Variants in VWA8 observed in about 807,000 individuals in gnomAD.
The protein encoded by VWA8 is von Willebrand factor A domain-containing protein 8.
VWA8 carries 221 observed loss-of-function variants against 241.5 expected under a neutral mutation model. The ratio of observed to expected loss-of-function variants is 0.91; its 90% CI spans 0.82 to 1.02. The LOEUF is 1.02. VWA8 is among the 50% of genes least tolerant of loss of function. The probability of loss-of-function intolerance (pLI) is 0.00; values close to 1 mark genes in which losing one functional copy is unlikely to be tolerated. For synonymous variants in VWA8, 852 were observed against 827.1 expected (o/e 1.03, Z -0.52); for missense variants, 2,322 against 2,328.7 (o/e 1.00, Z 0.06).
chr13:41,751,575 T>G (rs1162609573), intron 21 of VWA8, among the ~76,000 whole-genome samples: 1 of 152,204 alleles, frequency 6.6e-6, no homozygotes, highest in Non-Finnish European at 1.5e-5. Context: ...ATTTATACTG[T>G]CACATTCAGT....
intron 37 of VWA8, among the ~76,000 whole-genome samples, chr13:41,641,266 GT>G (rs2044793573): frequency 6.6e-6 from 1 of 152,190 alleles, no homozygotes; most frequent in African/African-American, 2.4e-5. Context: ...GAGAAAGGAT[GT>G]CCTGGGGTAA....
intron 28 of VWA8, among the ~76,000 whole-genome samples, chr13:41,700,391 A>G (rs569060226): frequency 2.0e-5 from 3 of 151,952 alleles, no homozygotes; most frequent in Non-Finnish European, 4.4e-5. Flanking sequence ...ACTGAAAAAG[A>G]CCTATTTTTT....
intron 12 of VWA8, among the ~76,000 whole-genome samples, chr13:41,836,978 CCAT>C (rs1871761526): frequency 1.3e-5 from 2 of 152,056 alleles, no homozygotes; most frequent in East Asian, 3.9e-4. Flanking sequence ...ACTCTGTATA[CCAT>C]CATATTAGAA....
intron 12 of VWA8, among the ~76,000 whole-genome samples, chr13:41,859,942 CTA>C (rs1872933391): frequency 6.6e-6 from 1 of 152,184 alleles, no homozygotes; most frequent in Admixed American, 6.5e-5. Flanking sequence ...ACTAAATTCT[CTA>C]TGTTGCATCA....
intron 12 of VWA8, among the ~76,000 whole-genome samples, chr13:41,837,100 T>C (rs2138010019): frequency 6.6e-6 from 1 of 152,166 alleles, no homozygotes; most frequent in Non-Finnish European, 1.5e-5. Flanking sequence ...AAAAATATTT[T>C]GTAGAGACAA....
chr13:41,777,683 T>C (rs1362767615), intron 20 of VWA8, among the ~76,000 whole-genome samples: 2 of 152,166 alleles, frequency 1.3e-5, no homozygotes, highest in African/African-American at 4.8e-5. Context: ...GGAGCTATCA[T>C]AGGAAACTAC....
chr13:41,583,651 A>AC (rs1566376242), intron 42 of VWA8, among the ~76,000 whole-genome samples: 3 of 145,012 alleles, frequency 2.1e-5, no homozygotes, highest in Admixed American at 1.4e-4. Flanking sequence ...TCAAAAAAAA[A>AC]AAAAAAAAAA....
At chr13:41,809,849 C>T (rs570239141) in intron 17 of VWA8, among the ~76,000 whole-genome samples, 1 of 152,072 alleles carries the variant, frequency 6.6e-6, no homozygotes, top group Non-Finnish European at 1.5e-5. Flanking sequence ...ATTTGCAAAT[C>T]ATCCATCTGA....
intron 22 of VWA8, 91 bp downstream of exon 22, chr13:41,731,989 G>A (rs922600212): frequency 2.8e-5 from 30 of 1,080,996 alleles, no homozygotes; most frequent in Non-Finnish European, 3.6e-5. Flanking sequence ...AGACTAATAC[G>A]TAATCCATGA....
At chr13:41,634,047 T>A (rs1159553803) in intron 37 of VWA8, among the ~76,000 whole-genome samples, 1 of 152,172 alleles carries the variant, frequency 6.6e-6, no homozygotes, top group African/African-American at 2.4e-5. Flanking sequence ...GGTTGAGGGC[T>A]TTAGGCAGCA....
intron 4 of VWA8, among the ~76,000 whole-genome samples, chr13:41,900,741 T>C (rs571727363): frequency 2.0e-5 from 3 of 152,232 alleles, no homozygotes; most frequent in African/African-American, 4.8e-5. Flanking sequence ...CTATTATTAA[T>C]GTAGTCATTA....
intron 21 of VWA8, among the ~76,000 whole-genome samples, chr13:41,742,552 A>G (rs2045576706): frequency 6.6e-6 from 1 of 152,360 alleles, no homozygotes; most frequent in African/African-American, 2.4e-5. Context: ...ACAATGAGCT[A>G]AAGGTGAAAA....
At chr13:41,899,032 T>A (rs1593855363) in intron 4 of VWA8, among the ~76,000 whole-genome samples, 1 of 152,170 alleles carries the variant, frequency 6.6e-6, no homozygotes, top group African/African-American at 2.4e-5. Context: ...GCTCCCACAG[T>A]GCAGCGGTGG....
chr13:41,774,675 C>T (rs1450703046), intron 20 of VWA8, among the ~76,000 whole-genome samples: 1 of 152,134 alleles, frequency 6.6e-6, no homozygotes, highest in Non-Finnish European at 1.5e-5. Flanking sequence ...ATAGCATTCA[C>T]AAGCACTTTA....
intron 42 of VWA8, among the ~76,000 whole-genome samples, chr13:41,586,957 C>T (rs1234821240): frequency 6.6e-6 from 1 of 152,168 alleles, no homozygotes; most frequent in Non-Finnish European, 1.5e-5. Flanking sequence ...AACACAGCAG[C>T]ATTGGGGGTC....
At chr13:41,918,070 C>T (rs952303345) in intron 2 of VWA8, among the ~76,000 whole-genome samples, 2 of 152,110 alleles carry the variant, frequency 1.3e-5, no homozygotes, top group African/African-American at 2.4e-5. Flanking sequence ...ATTTACAACA[C>T]GAACTAACTG....
chr13:41,960,476 A>G (rs1303623412), intron 1 of VWA8, among the ~76,000 whole-genome samples: 1 of 152,228 alleles, frequency 6.6e-6, no homozygotes, highest in Non-Finnish European at 1.5e-5. Flanking sequence ...TGAGGCTCAG[A>G]GAGCAAGGTC....
intron 43 of VWA8, among the ~76,000 whole-genome samples, chr13:41,573,480 A>ATAAAT (rs1236419922): frequency 8.9e-6 from 1 of 112,468 alleles, no homozygotes; most frequent in African/African-American, 4.3e-5. Flanking sequence ...AGTTTAAAAA[A>ATAAAT]AAAAAAATAT....
chr13:41,934,863 A>AGTTTTTACATGTTTTTTTAC, intron 2 of VWA8, among the ~76,000 whole-genome samples: 1 of 152,076 alleles, frequency 6.6e-6, no homozygotes, highest in African/African-American at 2.4e-5. Context: ...TAAAAACATC[A>AGTTTTTACATGTTTTTTTAC]AATTATACAT....
Sources: allele counts gnomAD v4.1 joint callset (sites outside exome capture counted in the v4.1 genomes callset), GRCh38; gene constraint gnomAD v4.1.1; transcripts MANE v1.5; gene names NCBI Gene and HGNC (gene_info 2026-07-23, HGNC 2026-07-21).